WDFY1: variants seen among roughly 807,000 people sequenced by gnomAD.
WDFY1 encodes the protein WD repeat and FYVE domain-containing protein 1.
WDFY1 carries 32 observed loss-of-function variants against 56.4 expected under a neutral mutation model. That is an observed-to-expected ratio of 0.57 (90% CI 0.43 to 0.76). The LOEUF is 0.76. Among genes scored for constraint, WDFY1 ranks in the 30% least tolerant of loss-of-function variants. WDFY1 has a pLI of 0.00. For synonymous variants in WDFY1, 192 were observed against 197.3 expected (o/e 0.97, Z 0.23); for missense variants, 480 against 545.7 (o/e 0.88, Z 1.20).
chr2:223,898,885 T>TCCACATAG lies in WDFY1; in HGVS notation c.598+65_598+72dup, dbSNP rs1489528357. On this transcript the variant is annotated intron_variant, in intron 6 of 11. Coordinates refer to ENST00000233055, the MANE Select transcript of WDFY1 (RefSeq NM_020830.5). ...TCATGAGGAACACAGCATTCATGAA[T>TCCACATAG]CCACATAGTAGAGAACTGAATTTGG... 3.6e-6 allele frequency: 4 copies of TCCACATAG among 1,118,008 alleles called. No individual in the cohort carries two copies. The East Asian group carries it at 9.5e-5, about 27-fold the overall frequency. The allele number at this position is 1,118,008 out of a possible 1,614,324, so 69.3% of individuals were successfully genotyped here. A position where few individuals can be genotyped will look rare whatever the true frequency, so the allele number is the denominator to read the frequency against.
chr2:223,932,369 A>G (rs2053328), intron 1 of WDFY1, among the ~76,000 whole-genome samples: 136,831 of 151,356 alleles, frequency 0.9, 61,976 homozygotes, highest in Non-Finnish European at 0.94. Context: ...TGATTCGCCC[A>G]CCTCGGCCTC....
intron 1 of WDFY1, among the ~76,000 whole-genome samples, chr2:223,939,153 G>T (rs1320325825): frequency 6.6e-6 from 1 of 152,164 alleles, no homozygotes; most frequent in Non-Finnish European, 1.5e-5. Flanking sequence ...ACGTCACCTG[G>T]AAACTTGGCA....
chr2:223,897,720 T>A (rs2106080294), intron 6 of WDFY1, among the ~76,000 whole-genome samples: 1 of 152,114 alleles, frequency 6.6e-6, no homozygotes, highest in South Asian at 2.1e-4. Context: ...ATGTTGCAGG[T>A]GGGGCTTGGT....
At chr2:223,902,866 C>A in intron 4 of WDFY1, among the ~76,000 whole-genome samples, 1 of 151,788 alleles carries the variant, frequency 6.6e-6, no homozygotes, top group East Asian at 1.9e-4. Context: ...ACTTTTTCCA[C>A]TAAATCTGTA....
At chr2:223,885,330 A>G (rs1482849350) in intron 8 of WDFY1, among the ~76,000 whole-genome samples, 4 of 152,088 alleles carry the variant, frequency 2.6e-5, no homozygotes, top group Non-Finnish European at 5.9e-5. Flanking sequence ...AGCTGGGACC[A>G]CAGGTGAGTG....
At chr2:223,923,819 A>G (rs1693931684) in intron 1 of WDFY1, among the ~76,000 whole-genome samples, 1 of 152,184 alleles carries the variant, frequency 6.6e-6, no homozygotes, top group Non-Finnish European at 1.5e-5. Flanking sequence ...ATCAGATGGT[A>G]TTATTTTTTG....
intron 8 of WDFY1, among the ~76,000 whole-genome samples, chr2:223,889,124 G>A (rs962267350): frequency 2.6e-5 from 4 of 151,268 alleles, no homozygotes; most frequent in Admixed American, 6.6e-5. Context: ...GGCTGGTCTC[G>A]AACTCCTGAC....
intron 5 of WDFY1, among the ~76,000 whole-genome samples, chr2:223,900,636 C>T (rs1016238383): frequency 6.6e-6 from 1 of 151,898 alleles, no homozygotes; most frequent in Non-Finnish European, 1.5e-5. Flanking sequence ...GTCCTCTCCA[C>T]ACAAAAAAAA....
chr2:223,933,615 G>A (rs1424306001), intron 1 of WDFY1, among the ~76,000 whole-genome samples: 1 of 151,912 alleles, frequency 6.6e-6, no homozygotes, highest in East Asian at 1.9e-4. Context: ...GAGCCTAGGG[G>A]CTTGAGACCA....
chr2:223,895,654 A>G, intron 6 of WDFY1, 24 bp from the exon 7 acceptor site: 1 of 1,613,194 alleles, frequency 6.2e-7, no homozygotes. Context: ...AGAGAGAGAG[A>G]GAGAGGGAGG....
At chr2:223,932,020 G>A (rs1014461762) in intron 1 of WDFY1, among the ~76,000 whole-genome samples, 14 of 150,242 alleles carry the variant, frequency 9.3e-5, no homozygotes, top group African/African-American at 3.4e-4. Flanking sequence ...CCCCATACCA[G>A]AAAGGGCACT....
chr2:223,944,704 A>G (rs1366863661), intron 1 of WDFY1, among the ~76,000 whole-genome samples: 1 of 145,728 alleles, frequency 6.9e-6, no homozygotes, highest in African/African-American at 2.6e-5. Flanking sequence ...GCGCAGTGGG[A>G]CAAGGGTCCC....
chr2:223,882,108 T>C (rs748617683), intron 9 of WDFY1, 36 bp from the exon 10 acceptor site: 1 of 1,597,840 alleles, frequency 6.3e-7, no homozygotes, highest in Non-Finnish European at 8.5e-7. Context: ...AACAGGGTGT[T>C]AGCTTTCGCT....
At position 223,937,670 on chromosome 2, in the gene WDFY1, T is replaced by C. The variant is rs570378228; in HGVS notation, c.137+7478A>G. 8.5e-5 allele frequency among the ~76,000 whole-genome samples: 13 copies of C among 152,336 alleles called. No individual in the cohort carries two copies. In the East Asian group the frequency reaches 2.3e-3, roughly 27 times the overall value. Reference sequence around the variant, plus strand: ...GCTCCCAAGCCTTTGTTCTTAACTATGCTATAAAAAGAAAATGATTGTAAC... The same window carrying C: ...GCTCCCAAGCCTTTGTTCTTAACTACGCTATAAAAAGAAAATGATTGTAAC... On this transcript the variant is annotated intron_variant, in intron 1 of 11. Coordinates refer to ENST00000233055, the MANE Select transcript of WDFY1 (RefSeq NM_020830.5).
intron 1 of WDFY1, among the ~76,000 whole-genome samples, chr2:223,943,368 T>C (rs1367312152): frequency 2.0e-5 from 3 of 152,102 alleles, no homozygotes; most frequent in African/African-American, 7.2e-5. Flanking sequence ...GAGAGGCCAC[T>C]GCCTGCTCAC....
At chr2:223,938,107 C>A (rs1689232622) in intron 1 of WDFY1, among the ~76,000 whole-genome samples, 1 of 152,166 alleles carries the variant, frequency 6.6e-6, no homozygotes, top group East Asian at 1.9e-4. Context: ...CTTTCCCAGC[C>A]TAAGTGCAAC....
intron 2 of WDFY1, 60 bp from the exon 3 acceptor site, chr2:223,912,386 A>AGGTG: frequency 7.6e-7 from 1 of 1,313,226 alleles, no homozygotes; most frequent in African/African-American, 2.4e-5. Context: ...TTGTTCTTCA[A>AGGTG]AGTGATTAAG....
intron 3 of WDFY1, among the ~76,000 whole-genome samples, chr2:223,906,493 G>A (rs1211173514): frequency 1.3e-5 from 2 of 152,108 alleles, no homozygotes; most frequent in Admixed American, 6.5e-5. Flanking sequence ...TTTTGAGATT[G>A]TGGGTGGTTT....
intron 8 of WDFY1, among the ~76,000 whole-genome samples, chr2:223,889,503 C>T (rs1693230881): frequency 1.3e-5 from 2 of 152,104 alleles, no homozygotes; most frequent in African/African-American, 4.8e-5. Flanking sequence ...ATGCTATTCT[C>T]CTGGTAGTGA....
Sources: allele counts gnomAD v4.1 joint callset (sites outside exome capture counted in the v4.1 genomes callset), GRCh38; gene constraint gnomAD v4.1.1; transcripts MANE v1.5; gene names NCBI Gene and HGNC (gene_info 2026-07-23, HGNC 2026-07-21).